TMEM52B: variants seen among roughly 807,000 people sequenced by gnomAD.
TMEM52B encodes transmembrane protein 52B, also known as chromosome 12 open reading frame 59.
In TMEM52B, 11 loss-of-function variants were observed where a neutral mutation model predicts 16.1. That is an observed-to-expected ratio of 0.68 (90% CI 0.43 to 1.13). The LOEUF (loss-of-function observed/expected upper bound fraction) is 1.13. Ranked by LOEUF, TMEM52B falls within the 50% of genes most tolerant of loss-of-function variation. TMEM52B has a pLI of 0.00. For synonymous variants in TMEM52B, 101 were observed against 93.8 expected (o/e 1.08, Z -0.45); for missense variants, 243 against 230.4 (o/e 1.05, Z -0.35).
chr12:10,173,287 T>C (rs2137532099), intron 1 of TMEM52B, among the ~76,000 whole-genome samples: 1 of 151,084 alleles, frequency 6.6e-6, no homozygotes, highest in African/African-American at 2.4e-5. Flanking sequence ...ATCTGGCATT[T>C]ACTTTAAATT....
At chr12:10,171,153 A>C (rs537737610) in intron 1 of TMEM52B, among the ~76,000 whole-genome samples, 9 of 152,244 alleles carry the variant, frequency 5.9e-5, no homozygotes, top group Admixed American at 3.3e-4. Flanking sequence ...TCATTGGCTC[A>C]AATGTTAAAT....
At chr12:10,188,506 AAGGAAGGAAGG>A (rs373488505) in intron 4 of TMEM52B, among the ~76,000 whole-genome samples, 33 of 113,172 alleles carry the variant, frequency 2.9e-4, no homozygotes, top group Non-Finnish European at 4.1e-4. Context: ...GGAAGGAAGG[AAGGAAGGAAGG>A]AAGGAAGGAA....
intron 2 of TMEM52B, 135 bp downstream of exon 2, chr12:10,182,728 G>A: frequency 1.1e-6 from 1 of 941,572 alleles, no homozygotes; most frequent in East Asian, 3.1e-5. Context: ...TCTCATAGAT[G>A]ACTTATCACA....
chr12:10,171,864 T>C, intron 1 of TMEM52B: 2 of 606,996 alleles, frequency 3.3e-6, no homozygotes, highest in Non-Finnish European at 5.9e-6. Flanking sequence ...CCTTCTTGTT[T>C]TTCTTTTAAG....
At chr12:10,173,562 C>T (rs1002369477) in intron 1 of TMEM52B, among the ~76,000 whole-genome samples, 1 of 151,032 alleles carries the variant, frequency 6.6e-6, no homozygotes, top group African/African-American at 2.4e-5. Flanking sequence ...GGGGGTGGAT[C>T]ACTGAGGTCA....
In TMEM52B at chr12:10,189,977, C is replaced by A; in HGVS notation, c.389C>A (p.Ser130Tyr). 5 of 1,614,148 alleles carry A rather than the reference C, an allele frequency of 3.1e-6. No homozygotes were observed. The highest frequency in any genetic ancestry group is 4.2e-6 in the Non-Finnish European group (5 of 1,180,030). The change falls in exon 5 of 5, where the codon TCC becomes TAC. Residue 130 changes from serine to tyrosine, a missense_variant. By Grantham distance (144) the Ser-to-Tyr change is moderately radical. Coordinates refer to ENST00000543484, the MANE Select transcript of TMEM52B (RefSeq NM_001384896.1). Reference sequence around the variant, plus strand: ...CACAGCTCCCTGGGCCAGCTGCCCTCCTCTTTGGACACCCTCCCAGGGTAT... The same window carrying A: ...CACAGCTCCCTGGGCCAGCTGCCCTACTCTTTGGACACCCTCCCAGGGTAT... ...HSHSSLGQLP[S>Y]SLDTLPGYEE...
chr12:10,177,144 C>A (rs969745921), upstream of TMEM52B, among the ~76,000 whole-genome samples: 8 of 152,172 alleles, frequency 5.3e-5, no homozygotes, highest in African/African-American at 1.9e-4. Flanking sequence ...GGAAGGCCAC[C>A]TAAAGCCCTG....
At chr12:10,179,682 T>G in intron 1 of TMEM52B, 54 bp downstream of exon 1, 1 of 1,604,442 alleles carries the variant, frequency 6.2e-7, no homozygotes, top group Non-Finnish European at 8.5e-7. Context: ...ATTAATCAAC[T>G]CTCAGAAGAG....
intron 1 of TMEM52B, among the ~76,000 whole-genome samples, chr12:10,181,200 G>T (rs1392916534): frequency 1.3e-5 from 2 of 152,166 alleles, no homozygotes; most frequent in African/African-American, 4.8e-5. Flanking sequence ...TGTAAAGGGA[G>T]TAGAAGGGAC....
intron 1 of TMEM52B, chr12:10,172,076 AT>A (rs1426558546): frequency 6.2e-7 from 1 of 1,612,718 alleles, no homozygotes; most frequent in South Asian, 1.1e-5. Context: ...ATCAAAAGTC[AT>A]TTCCAAATTC....
chr12:10,174,111 A>T (rs2742107), upstream of TMEM52B, among the ~76,000 whole-genome samples: 4 of 151,642 alleles, frequency 2.6e-5, no homozygotes, highest in African/African-American at 7.3e-5. Flanking sequence ...CCCAGGGTGG[A>T]TTGCAATGGC....
At chr12:10,186,621 G>C (rs1948883331) in intron 4 of TMEM52B, 32 bp downstream of exon 4, 3 of 1,507,754 alleles carry the variant, frequency 2.0e-6, no homozygotes, top group Non-Finnish European at 2.7e-6. Context: ...CCTGGGAGGA[G>C]GACCCAATTT....
chr12:10,171,224 G>A (rs1350811305), intron 1 of TMEM52B, among the ~76,000 whole-genome samples: 1 of 152,146 alleles, frequency 6.6e-6, no homozygotes. Flanking sequence ...TTTTGGAAAT[G>A]TAATTTGGAA....
At chr12:10,181,504 A>AT (rs1162741579) in intron 1 of TMEM52B, among the ~76,000 whole-genome samples, 1 of 148,638 alleles carries the variant, frequency 6.7e-6, no homozygotes, top group Non-Finnish European at 1.5e-5. Context: ...TAATTTTTGT[A>AT]TTTTTCGTAG....
chr12:10,188,228 G>T (rs10845058), intron 4 of TMEM52B, among the ~76,000 whole-genome samples: 1 of 151,448 alleles, frequency 6.6e-6, no homozygotes, highest in South Asian at 2.1e-4. Flanking sequence ...CTCAGTCCAA[G>T]GCGGGCAGAT....
rs540619912 is a variant in TMEM52B at position 10,182,429 on chromosome 12, T to A, written c.55-121T>A. 1.0e-5 allele frequency: 14 copies of A among 1,400,396 alleles called. No homozygotes were observed. The African/African-American group carries it at 2.0e-4, about 20-fold the overall frequency. The allele number at this position is 1,400,396 out of a possible 1,614,324, so 86.7% of individuals were successfully genotyped here. A position where few individuals can be genotyped will look rare whatever the true frequency, so the allele number is the denominator to read the frequency against. On this transcript the variant is annotated intron_variant, in intron 1 of 4. Transcript: ENST00000543484. The stretch of plus-strand genomic sequence containing the variant: ...ATGGCAGTCCTAAATAGACTGCCCC[T>A]ATGACCGTGACCTTCTTACTGCTTG...
intron 3 of TMEM52B, 24 bp from the exon 4 acceptor site, chr12:10,186,396 C>T (rs1948879013): frequency 6.3e-7 from 1 of 1,580,998 alleles, no homozygotes; most frequent in Non-Finnish European, 8.6e-7. Flanking sequence ...CCAGAGCTCC[C>T]ACTCGCCCCG....
At chr12:10,172,947 A>G (rs1346360557) in intron 1 of TMEM52B, among the ~76,000 whole-genome samples, 2 of 152,216 alleles carry the variant, frequency 1.3e-5, no homozygotes, top group Non-Finnish European at 2.9e-5. Context: ...TAGGTTTGTG[A>G]AAAATGTCAC....
rs1318497033 is a variant in TMEM52B, at chr12:10,190,796, A to C, written c.*656A>C. 6.5e-6 allele frequency: 1 copy of C among 153,794 alleles called. No homozygotes were observed. The highest frequency in any genetic ancestry group is 1.4e-5 in the Non-Finnish European group (1 of 69,062). 9.5% of individuals were successfully genotyped at this position (153,794 alleles called of 1,614,324 possible). A position where few individuals can be genotyped will look rare whatever the true frequency, so the allele number is the denominator to read the frequency against. The stretch of plus-strand genomic sequence containing the variant: ...ATACTGTGCAGTCACAGTTGGATTA[A>C]TTCTTCAGTTCCTCCGCACTGCAAA... On this transcript the variant is annotated 3_prime_UTR_variant, in exon 5 of 5. Coordinates refer to ENST00000543484, the MANE Select transcript of TMEM52B (RefSeq NM_001384896.1).
Sources: gnomAD v4.1 joint callset for allele counts (sites outside exome capture counted in the v4.1 genomes callset) on GRCh38, gnomAD v4.1.1 for gene constraint, MANE v1.5 for transcripts, NCBI Gene and HGNC (gene_info 2026-07-23, HGNC 2026-07-21) for gene names.